The following HPSE2 variants were observed in gnomAD, a reference collection of about 807,000 sequenced individuals.
HPSE2 encodes inactive heparanase-2.
A neutral mutation model predicts 60.5 loss-of-function variants in HPSE2; 38 were observed. That is an observed-to-expected ratio of 0.63 (90% CI 0.48 to 0.82). HPSE2 has a LOEUF of 0.82. HPSE2 is among the 40% of genes least tolerant of loss of function. The pLI is 0.00. For missense variants in HPSE2, 713 were observed against 740.4 expected (o/e 0.96, Z 0.43); for synonymous variants, 295 against 293.2 (o/e 1.01, Z -0.06).
chr10:99,077,621 A>AT (rs1331295938), intron 3 of HPSE2, among the ~76,000 whole-genome samples: 2 of 151,968 alleles, frequency 1.3e-5, no homozygotes, highest in Non-Finnish European at 2.9e-5. Flanking sequence ...CTTCATATAT[A>AT]TACACACATC....
intron 3 of HPSE2, among the ~76,000 whole-genome samples, chr10:98,822,772 T>C (rs1193628972): frequency 6.6e-6 from 1 of 152,238 alleles, no homozygotes. Flanking sequence ...TATGTACCTA[T>C]ATATTTCTAT....
At chr10:99,193,281 C>A in intron 2 of HPSE2, among the ~76,000 whole-genome samples, 1 of 151,094 alleles carries the variant, frequency 6.6e-6, no homozygotes. Flanking sequence ...CATACAAGTA[C>A]CAAAAAATAA....
intron 6 of HPSE2, among the ~76,000 whole-genome samples, chr10:98,675,577 C>CACACACACAA (rs761938113): frequency 2.7e-5 from 4 of 150,486 alleles, no homozygotes; most frequent in African/African-American, 9.8e-5. Context: ...CACACACACA[C>CACACACACAA]AATAACCAGC....
At chr10:98,906,843 GC>G (rs2135003319) in intron 3 of HPSE2, among the ~76,000 whole-genome samples, 1 of 151,874 alleles carries the variant, frequency 6.6e-6, no homozygotes, top group African/African-American at 2.4e-5. Context: ...GACAGAGGTT[GC>G]AGTGAGCCGA....
At position 98,940,181 on chromosome 10, in the gene HPSE2, G is replaced by A. The variant is rs1245445846; in HGVS notation, c.611-196125C>T. Among the ~76,000 whole-genome samples the A allele has an allele frequency of 2.3e-4, 33 of 143,302 alleles. 6 individuals carry two copies. Among genetic ancestry groups the A allele is most frequent in the South Asian group, 1.9e-3 (9 of 4,726 alleles). The allele number at this position is 143,302 out of a possible 152,430, so 94.0% of individuals were successfully genotyped here. A position where few individuals can be genotyped will look rare whatever the true frequency, so the allele number is the denominator to read the frequency against. On this transcript the variant is annotated intron_variant, in intron 3 of 11. Coordinates refer to ENST00000370552, the MANE Select transcript of HPSE2 (RefSeq NM_021828.5). ...CATCACAATTAAAAGAACTAGAGAA[G>A]CAAGAACAAACACATTCAAAAGCTA...
At chr10:99,315,900 T>A in the HPSE2 span, among the ~76,000 whole-genome samples, 1 of 152,188 alleles carries the variant, frequency 6.6e-6, no homozygotes, top group Non-Finnish European at 1.5e-5. Flanking sequence ...TTAGTCCCTC[T>A]AGGAGTCCTC....
intron 3 of HPSE2, among the ~76,000 whole-genome samples, chr10:98,926,070 T>G (rs1954451987): frequency 6.6e-6 from 1 of 152,114 alleles, no homozygotes; most frequent in Non-Finnish European, 1.5e-5. Context: ...GCAGTAGAAG[T>G]AGGTGTCATT....
At chr10:98,918,540 G>A (rs2135052203) in intron 3 of HPSE2, among the ~76,000 whole-genome samples, 1 of 150,586 alleles carries the variant, frequency 6.6e-6, no homozygotes, top group African/African-American at 2.4e-5. Flanking sequence ...GGACATGGAT[G>A]AAATTGGAAA....
At chr10:98,797,313 A>G (rs1950799725) in intron 3 of HPSE2, among the ~76,000 whole-genome samples, 1 of 152,218 alleles carries the variant, frequency 6.6e-6, no homozygotes, top group East Asian at 1.9e-4. Flanking sequence ...AAAAAGAAGC[A>G]GAAATTCTAT....
intron 4 of HPSE2, among the ~76,000 whole-genome samples, chr10:98,737,045 A>T (rs1357027088): frequency 6.6e-6 from 1 of 152,164 alleles, no homozygotes; most frequent in Non-Finnish European, 1.5e-5. Flanking sequence ...AGGTAAAAAG[A>T]CTATATGGTT....
chr10:98,638,497 T>C (rs1200299907), intron 7 of HPSE2, among the ~76,000 whole-genome samples: 5 of 152,116 alleles, frequency 3.3e-5, no homozygotes, highest in Admixed American at 6.6e-5. Flanking sequence ...ATCTCTGAAA[T>C]GGTTTGAGGA....
intron 3 of HPSE2, among the ~76,000 whole-genome samples, chr10:98,796,125 T>A (rs1168024042): frequency 6.6e-6 from 1 of 152,264 alleles, no homozygotes; most frequent in South Asian, 2.1e-4. Context: ...AGACTCCTTG[T>A]GTTTGAGAAA....
chr10:98,645,312 G>A (rs1412566496), intron 6 of HPSE2, among the ~76,000 whole-genome samples: 5 of 152,220 alleles, frequency 3.3e-5, no homozygotes, highest in African/African-American at 4.8e-5. Flanking sequence ...AAATGTTGAC[G>A]TGGGGGTCTT....
intron 6 of HPSE2, among the ~76,000 whole-genome samples, chr10:98,664,703 G>A (rs1947316267): frequency 1.3e-5 from 2 of 152,216 alleles, no homozygotes; most frequent in South Asian, 2.1e-4. Context: ...CGTATATAGC[G>A]CCTGTGAAAC....
chr10:98,923,786 T>C (rs1055258055), intron 3 of HPSE2, among the ~76,000 whole-genome samples: 3 of 152,136 alleles, frequency 2.0e-5, no homozygotes, highest in Admixed American at 2.0e-4. Context: ...ATTTACCTGA[T>C]AAAATATTGA....
At chr10:99,246,228 A>G in the HPSE2 span, among the ~76,000 whole-genome samples, 21 of 152,196 alleles carry the variant, frequency 1.4e-4, no homozygotes, top group African/African-American at 5.1e-4. Context: ...TACTTAACCA[A>G]TTATGGGGGG....
chr10:99,018,159 A>G (rs1957183249), intron 3 of HPSE2, among the ~76,000 whole-genome samples: 1 of 152,202 alleles, frequency 6.6e-6, no homozygotes, highest in Admixed American at 6.5e-5. Context: ...GGGAAGAGAA[A>G]TAACTTAAAA....
chr10:98,593,155 A>C (rs748760428), intron 9 of HPSE2, among the ~76,000 whole-genome samples: 6 of 152,228 alleles, frequency 3.9e-5, no homozygotes, highest in Non-Finnish European at 7.3e-5. Context: ...AAATTGATCC[A>C]TCTATTTAAA....
chr10:98,504,616 C>T (rs1360585799), intron 9 of HPSE2, among the ~76,000 whole-genome samples: 1 of 152,110 alleles, frequency 6.6e-6, no homozygotes, highest in East Asian at 1.9e-4. Flanking sequence ...GAAACCTCGT[C>T]TCTACTAAAA....
Sources: gnomAD v4.1 joint callset for allele counts (sites outside exome capture counted in the v4.1 genomes callset) on GRCh38, gnomAD v4.1.1 for gene constraint, MANE v1.5 for transcripts, NCBI Gene and HGNC (gene_info 2026-07-23, HGNC 2026-07-21) for gene names.